The following LAMA1 variants were observed in gnomAD, a reference collection of about 807,000 sequenced individuals.
LAMA1 encodes laminin subunit alpha-1.
A neutral mutation model predicts 348.7 loss-of-function variants in LAMA1; 219 were observed. The observed-to-expected ratio is 0.63, with a 90% CI of 0.56 to 0.70. The LOEUF (loss-of-function observed/expected upper bound fraction) is 0.70, where lower values mean the gene tolerates loss of function less well. Among genes scored for constraint, LAMA1 ranks in the 30% least tolerant of loss-of-function variants. The pLI is 0.00. For synonymous variants in LAMA1, 1,487 were observed against 1,491.0 expected (o/e 1.00, Z 0.06); for missense variants, 3,744 against 3,888.0 (o/e 0.96, Z 0.99).
At chr18:7,080,896 G>A (rs146316554) in intron 1 of LAMA1, among the ~76,000 whole-genome samples, 83 of 152,212 alleles carry the variant, frequency 5.5e-4, no homozygotes, top group African/African-American at 1.7e-3. Flanking sequence ...ATGTACATGC[G>A]GAAATGTTTA....
intron 39 of LAMA1, among the ~76,000 whole-genome samples, chr18:6,984,177 T>C (rs992635268): frequency 2.7e-4 from 41 of 152,102 alleles, no homozygotes; most frequent in African/African-American, 9.2e-4. Context: ...CTAAGACATA[T>C]TAGGAAGCAG....
At chr18:7,022,277 G>A (rs2057921421) in intron 19 of LAMA1, among the ~76,000 whole-genome samples, 1 of 152,148 alleles carries the variant, frequency 6.6e-6, no homozygotes, top group East Asian at 1.9e-4. Flanking sequence ...TTGCAGTAAT[G>A]ATGAAAAGAA....
intron 9 of LAMA1, among the ~76,000 whole-genome samples, chr18:7,041,607 C>T (rs535993465): frequency 5.4e-4 from 82 of 152,282 alleles, no homozygotes; most frequent in African/African-American, 1.8e-3. Flanking sequence ...GTTTTTGAAA[C>T]GGAAAGAGAA....
chr18:6,955,650 TGAA>T, intron 56 of LAMA1, 185 bp from the exon 57 acceptor site: 2 of 688,106 alleles, frequency 2.9e-6, no homozygotes, highest in South Asian at 1.5e-5. Flanking sequence ...TTTATCTCCC[TGAA>T]GAAAGCACTT....
At chr18:7,067,770 A>G (rs958946872) in intron 3 of LAMA1, among the ~76,000 whole-genome samples, 3 of 152,038 alleles carry the variant, frequency 2.0e-5, no homozygotes, top group East Asian at 1.9e-4. Flanking sequence ...CAGGCTTTCT[A>G]ATTTCCAGGC....
chr18:7,014,438 T>G (rs987955918), intron 22 of LAMA1, among the ~76,000 whole-genome samples: 1 of 151,972 alleles, frequency 6.6e-6, no homozygotes, highest in Non-Finnish European at 1.5e-5. Flanking sequence ...CTGGACAACA[T>G]AGTGAGACCC....
intron 1 of LAMA1, among the ~76,000 whole-genome samples, chr18:7,098,485 G>A (rs529085811): frequency 6.6e-6 from 1 of 151,308 alleles, no homozygotes; most frequent in South Asian, 2.1e-4. Context: ...GATGTGGGGA[G>A]CGCCTCTGCC....
intron 61 of LAMA1, among the ~76,000 whole-genome samples, chr18:6,946,749 C>T (rs1366550384): frequency 1.3e-5 from 2 of 152,078 alleles, no homozygotes; most frequent in Admixed American, 1.3e-4. Context: ...AGTGCTACCA[C>T]TGGGAAACCT....
intron 11 of LAMA1, among the ~76,000 whole-genome samples, chr18:7,038,351 G>T (rs961437803): frequency 6.6e-6 from 1 of 152,066 alleles, no homozygotes. Context: ...CCCTGTTCCG[G>T]AAACAACTTG....
At chr18:7,054,983 T>A (rs2058075798) in intron 3 of LAMA1, among the ~76,000 whole-genome samples, 1 of 152,172 alleles carries the variant, frequency 6.6e-6, no homozygotes, top group African/African-American at 2.4e-5. Context: ...GTTTATGTTA[T>A]CAGCAAGGCT....
intron 1 of LAMA1, among the ~76,000 whole-genome samples, chr18:7,098,075 C>T (rs564064945): frequency 0.016 from 2,339 of 150,466 alleles, 26 homozygotes; most frequent in Middle Eastern, 0.031. Flanking sequence ...GGTCTCCAGC[C>T]CCTAACCGCA....
chr18:7,091,287 C>A (rs898708393), intron 1 of LAMA1, among the ~76,000 whole-genome samples: 1 of 152,210 alleles, frequency 6.6e-6, no homozygotes, highest in African/African-American at 2.4e-5. Context: ...TCATATCATT[C>A]CCATTGTCCT....
chr18:7,088,668 C>T (rs2058227347), intron 1 of LAMA1, among the ~76,000 whole-genome samples: 1 of 151,982 alleles, frequency 6.6e-6, no homozygotes, highest in Admixed American at 6.6e-5. Flanking sequence ...GGGTGCATGC[C>T]ACCATGCCTG....
intron 16 of LAMA1, among the ~76,000 whole-genome samples, chr18:7,031,046 T>G (rs921105345): frequency 6.6e-6 from 1 of 152,094 alleles, no homozygotes; most frequent in African/African-American, 2.4e-5. Context: ...AAACAAAAGT[T>G]TTACTTACAG....
intron 19 of LAMA1, among the ~76,000 whole-genome samples, chr18:7,021,164 T>G (rs1314187424): frequency 6.6e-6 from 1 of 152,108 alleles, no homozygotes; most frequent in South Asian, 2.1e-4. Flanking sequence ...CCTTCAGGTC[T>G]CAGATGAACA....
At chr18:7,082,626 T>A (rs983292487) in intron 1 of LAMA1, among the ~76,000 whole-genome samples, 21 of 152,232 alleles carry the variant, frequency 1.4e-4, no homozygotes, top group African/African-American at 4.8e-4. Flanking sequence ...ATTCAGGTAT[T>A]CTGATTCAAA....
intron 1 of LAMA1, among the ~76,000 whole-genome samples, chr18:7,094,579 A>G (rs967423113): frequency 6.6e-6 from 1 of 152,078 alleles, no homozygotes; most frequent in Non-Finnish European, 1.5e-5. Context: ...TTCTGTCACT[A>G]TTTAACTAGA....
At chr18:7,015,403 G>A (rs2057882438) in intron 22 of LAMA1, among the ~76,000 whole-genome samples, 1 of 152,076 alleles carries the variant, frequency 6.6e-6, no homozygotes, top group Admixed American at 6.5e-5. Context: ...CCAAGTAGCT[G>A]AGACCACAGG....
intron 53 of LAMA1, 84 bp downstream of exon 53, chr18:6,961,482 AGGAACACGGTGACAATAAAT>A: frequency 7.3e-7 from 1 of 1,374,620 alleles, no homozygotes; most frequent in Non-Finnish European, 1.0e-6. Context: ...ATAAACAACC[AGGAACACGGTGACAATAAAT>A]GTTTATGAGT....
Sources: allele counts gnomAD v4.1 joint callset (sites outside exome capture counted in the v4.1 genomes callset), GRCh38; gene constraint gnomAD v4.1.1; transcripts MANE v1.5; gene names NCBI Gene and HGNC (gene_info 2026-07-23, HGNC 2026-07-21).